PTPRS: variants seen among roughly 807,000 people sequenced by gnomAD.
The protein encoded by PTPRS is protein tyrosine phosphatase receptor type S.
In PTPRS, 63 loss-of-function variants were observed where a neutral mutation model predicts 215.3. That is an observed-to-expected ratio of 0.29 (90% CI 0.24 to 0.36). The LOEUF (loss-of-function observed/expected upper bound fraction) is 0.36. PTPRS is among the 10% of genes least tolerant of loss of function. The pLI, the probability that PTPRS is intolerant of heterozygous loss-of-function variation, is 1.00. For missense variants in PTPRS, 2,258 were observed against 2,825.8 expected (o/e 0.80, Z 4.56); for synonymous variants, 1,404 against 1,191.4 (o/e 1.18, Z -3.68).
rs1371809935 is a variant in PTPRS at position 5,315,365 on chromosome 19, T to C, written c.-95+25299A>G. 5.8e-3 allele frequency among the ~76,000 whole-genome samples: 744 copies of C among 127,518 alleles called. 26 individuals are homozygous for C. Among genetic ancestry groups the C allele is most frequent in the African/African-American group, 0.021 (717 of 33,890 alleles). The allele number at this position is 127,518 out of a possible 152,430, so 83.7% of individuals were successfully genotyped here. ...ATTTGAAAAGGGTTTTTTTTTTTTT[T>C]TTTTTTTTTTTTTTTTGAGACAGAG... On this transcript the variant is annotated intron_variant, in intron 1 of 37. Transcript: ENST00000262963.
At chr19:5,322,860 CAA>C (rs1164363283) in intron 1 of PTPRS, among the ~76,000 whole-genome samples, 1 of 82,398 alleles carries the variant, frequency 1.2e-5, no homozygotes, top group East Asian at 3.8e-4. Context: ...GCCTGGGCAA[CAA>C]GAGCAAAACT....
At chr19:5,279,646 G>A (rs2047683701) in intron 2 of PTPRS, among the ~76,000 whole-genome samples, 1 of 152,030 alleles carries the variant, frequency 6.6e-6, no homozygotes, top group African/African-American at 2.4e-5. Context: ...TCTGGGATTA[G>A]CAGTGTGAGC....
intron 31 of PTPRS, 30 bp downstream of exon 31, chr19:5,212,307 A>G: frequency 3.1e-6 from 5 of 1,610,070 alleles, no homozygotes; most frequent in East Asian, 2.2e-5. Context: ...ACCGGGGGGA[A>G]GCGGATGGGG....
intron 1 of PTPRS, among the ~76,000 whole-genome samples, chr19:5,286,625 T>C (rs1427775736): frequency 1.3e-5 from 2 of 152,162 alleles, no homozygotes; most frequent in Admixed American, 6.5e-5. Flanking sequence ...AACCAGAAGA[T>C]AGCCCTCACC....
intron 2 of PTPRS, among the ~76,000 whole-genome samples, chr19:5,280,795 T>C (rs554955995): frequency 6.6e-6 from 1 of 151,278 alleles, no homozygotes; most frequent in South Asian, 2.1e-4. Context: ...AACTTTTTTT[T>C]TTTGTTTGTT....
At chr19:5,322,900 AGAAGAAG>A (rs1180409965) in intron 1 of PTPRS, among the ~76,000 whole-genome samples, 2 of 118,812 alleles carry the variant, frequency 1.7e-5, no homozygotes, top group Admixed American at 1.9e-4. Flanking sequence ...AAAAAAAAAA[AGAAGAAG>A]AAGAAGAAGA....
At chr19:5,269,921 C>CAAA (rs33953639) in intron 4 of PTPRS, among the ~76,000 whole-genome samples, 8,271 of 82,282 alleles carry the variant, frequency 0.1, 595 homozygotes, top group Non-Finnish European at 0.14. Context: ...AACTCCATCT[C>CAAA]AAAAAAAAAA....
intron 11 of PTPRS, among the ~76,000 whole-genome samples, chr19:5,242,744 T>C (rs1169889972): frequency 6.6e-6 from 1 of 152,202 alleles, no homozygotes; most frequent in Non-Finnish European, 1.5e-5. Flanking sequence ...TTGCCCAGGC[T>C]GGAGTGTAGT....
rs537330252 is a variant in PTPRS, at chr19:5,260,804, C to T, written c.595+1G>A. The stretch of plus-strand genomic sequence containing the variant: ...GGGTGGGTGAGTGAGGAGCCTCTTA[C>T]CTCGAATCGGAGTGCTTTCTGTAAG... On this transcript the variant is annotated splice_donor_variant, in intron 7 of 37. Coordinates refer to ENST00000262963, the MANE Select transcript of PTPRS (RefSeq NM_002850.4). LOFTEE classifies it high-confidence loss of function. 1.9e-6 allele frequency: 3 copies of T among 1,613,776 alleles called. No individual in the cohort carries two copies. The highest frequency in any genetic ancestry group is 8.5e-7 in the Non-Finnish European group (1 of 1,179,804).
chr19:5,281,078 C>T (rs577538555), intron 2 of PTPRS, among the ~76,000 whole-genome samples: 114 of 151,594 alleles, frequency 7.5e-4, no homozygotes, highest in Non-Finnish European at 1.5e-3. Flanking sequence ...AGGTATGAGG[C>T]GCCGCGCCTG....
chr19:5,210,820 G>T lies in PTPRS; in HGVS notation c.5235-15C>A. 2 of 1,612,086 alleles carry T rather than the reference G, an allele frequency of 1.2e-6. No homozygotes were observed. Among genetic ancestry groups the T allele is most frequent in the Non-Finnish European group, 8.5e-7 (1 of 1,179,646 alleles). On this transcript the variant is annotated splice_polypyrimidine_tract_variant and intron_variant, in intron 33 of 37. Coordinates refer to ENST00000262963, the MANE Select transcript of PTPRS (RefSeq NM_002850.4). The surrounding 1 kb of genome is among the most constrained non-coding windows in gnomAD (Gnocchi z 4.5). ...CCTTCTGCTGCCTGCAGGCGTTGGG[G>T]GTATGAGCCCAGGGCCGGCAGGGAG...
chr19:5,213,746 C>T (rs907804707), intron 30 of PTPRS, among the ~76,000 whole-genome samples: 2 of 152,162 alleles, frequency 1.3e-5, no homozygotes, highest in Admixed American at 6.5e-5. Flanking sequence ...AGGTGCCTGA[C>T]GGTGAGATGA....
chr19:5,332,532 C>A (rs745485128), intron 1 of PTPRS, among the ~76,000 whole-genome samples: 3 of 152,186 alleles, frequency 2.0e-5, no homozygotes, highest in South Asian at 4.1e-4. Context: ...GTTGAAGAAG[C>A]CTTTTTGGCC....
chr19:5,219,549 C>G, intron 22 of PTPRS, 82 bp from the exon 23 acceptor site: 1 of 1,452,542 alleles, frequency 6.9e-7, no homozygotes, highest in Non-Finnish European at 9.1e-7. Flanking sequence ...CATGAACCTA[C>G]GTTTCTCCCC....
In PTPRS at chr19:5,210,571, C is replaced by T. The variant is rs767581235; in HGVS notation, c.5385G>A (p.Pro1795=). The T allele has an allele frequency of 7.7e-5, 125 of 1,614,076 alleles. No homozygotes were observed. The highest frequency in any genetic ancestry group is 1.2e-4 in the Admixed American group (7 of 60,010). The change falls in exon 35 of 38, where the codon CCG becomes CCA. Residue 1795 remains proline, a synonymous_variant. Transcript: ENST00000262963. The surrounding 1 kb of genome is among the most constrained non-coding windows in gnomAD (Gnocchi z 4.5). ...ACTGGTAGCGGGCAGAGCGCTCGGC[C>T]GGCCAGTACTGGTGACACTTCTCCT... is the stretch of plus-strand genomic sequence containing the variant. The part of the protein sequence containing the change: ...MGREKCHQYW[P]AERSARYQYF...
intron 1 of PTPRS, among the ~76,000 whole-genome samples, chr19:5,306,397 G>A (rs1023258493): frequency 3.3e-5 from 5 of 151,924 alleles, no homozygotes; most frequent in Admixed American, 1.3e-4. Context: ...CGCTGGCCTC[G>A]GCCTCCCAAA....
chr19:5,256,597 A>C (rs1355546516), intron 8 of PTPRS, among the ~76,000 whole-genome samples: 1 of 152,082 alleles, frequency 6.6e-6, no homozygotes, highest in Non-Finnish European at 1.5e-5. Context: ...TGGATTTACA[A>C]ACCCCCATCC....
In PTPRS at chr19:5,308,596, C is replaced by T. The variant is rs550278236; in HGVS notation, c.-94-22362G>A. The stretch of plus-strand genomic sequence containing the variant: ...CCGACGCAGTCACAGGGGCAGACTC[C>T]ATGCGGCAGAGGTGGCTGCCAGCCC... On this transcript the variant is annotated intron_variant, in intron 1 of 37. Transcript: ENST00000262963. Among the ~76,000 whole-genome samples the T allele has an allele frequency of 4.6e-5, 7 of 152,254 alleles. No individual in the cohort carries two copies. In the East Asian group the frequency reaches 7.7e-4, roughly 17 times the overall value.
chr19:5,294,897 C>T lies in PTPRS; in HGVS notation c.-94-8663G>A, dbSNP rs116720811. Among the ~76,000 whole-genome samples the T allele has an allele frequency of 0.011, 1,633 of 152,250 alleles. 35 individuals are homozygous for T. The highest frequency in any genetic ancestry group is 0.038 in the African/African-American group (1,565 of 41,532). On this transcript the variant is annotated intron_variant, in intron 1 of 37. Transcript: ENST00000262963. This position sits in a 1 kb window ranked among gnomAD's most constrained non-coding sequence, Gnocchi z 5.1. The stretch of plus-strand genomic sequence containing the variant: ...GGATGCCGTGACGTCCCCCGTCCCA[C>T]GCAGCCCCATCCTCGACGAGGTACA...
Sources: allele counts gnomAD v4.1 joint callset (sites outside exome capture counted in the v4.1 genomes callset), GRCh38; gene constraint gnomAD v4.1.1; non-coding constraint Gnocchi (gnomAD v3.1); transcripts MANE v1.5; gene names NCBI Gene and HGNC (gene_info 2026-07-23, HGNC 2026-07-21).